VPS13C: variants seen among roughly 807,000 people sequenced by gnomAD.
The protein encoded by VPS13C is intermembrane lipid transfer protein VPS13C.
VPS13C carries 358 observed loss-of-function variants against 456.8 expected under a neutral mutation model. That is an observed-to-expected ratio of 0.78 (90% confidence interval 0.72 to 0.86). The LOEUF is 0.86. Ranked by LOEUF, VPS13C falls within the 40% of genes least tolerant of loss-of-function variation. VPS13C has a pLI of 0.00. For synonymous variants in VPS13C, 1,578 were observed against 1,486.7 expected (o/e 1.06, Z -1.41); for missense variants, 4,818 against 4,385.4 (o/e 1.10, Z -2.79).
At chr15:61,945,930 C>A (rs2044589234) in intron 44 of VPS13C, 48 bp from the exon 45 acceptor site, 4 of 1,455,034 alleles carry the variant, frequency 2.7e-6, no homozygotes, top group Non-Finnish European at 3.7e-6. Context: ...AGCTGTATAG[C>A]CCTTATCAAT....
chr15:61,952,995 A>AT (rs754353651), intron 38 of VPS13C, among the ~76,000 whole-genome samples: 6 of 152,068 alleles, frequency 3.9e-5, no homozygotes, highest in Non-Finnish European at 8.8e-5. Context: ...GAGTACTGAG[A>AT]TTACAGGCAT....
chr15:61,896,437 G>C (rs1055939808), intron 66 of VPS13C, among the ~76,000 whole-genome samples: 1 of 152,322 alleles, frequency 6.6e-6, no homozygotes, highest in Non-Finnish European at 1.5e-5. Flanking sequence ...TGCCTCACTC[G>C]GGAAGCGCAA....
At chr15:61,896,737 G>C (rs2042831145) in intron 66 of VPS13C, among the ~76,000 whole-genome samples, 1 of 152,184 alleles carries the variant, frequency 6.6e-6, no homozygotes, top group African/African-American at 2.4e-5. Flanking sequence ...GCTCGAACTG[G>C]GTGTAGCCCA....
At chr15:61,999,904 T>TAAAAAAAAAAAAAAAAAAGA (rs71125961) in intron 16 of VPS13C, among the ~76,000 whole-genome samples, 1 of 116,254 alleles carries the variant, frequency 8.6e-6, no homozygotes, top group African/African-American at 3.5e-5. Context: ...AAAGAAAAAG[T>TAAAAAAAAAAAAAAAAAAGA]AAAAAAAAAA....
At chr15:61,992,244 C>T (rs1449250819) in intron 16 of VPS13C, among the ~76,000 whole-genome samples, 1 of 152,130 alleles carries the variant, frequency 6.6e-6, no homozygotes, top group African/African-American at 2.4e-5. Flanking sequence ...AGGACAGTGG[C>T]AGAAGGAGGG....
chr15:61,859,446 A>G (rs1211276328), intron 82 of VPS13C, among the ~76,000 whole-genome samples: 3 of 152,168 alleles, frequency 2.0e-5, no homozygotes, highest in Admixed American at 6.5e-5. Context: ...AACCCTTAGA[A>G]TCTTATGAGC....
intron 52 of VPS13C, among the ~76,000 whole-genome samples, 165 bp downstream of exon 52, chr15:61,926,926 T>C (rs1182394136): frequency 6.6e-6 from 1 of 152,230 alleles, no homozygotes. Flanking sequence ...CAGCCATGGC[T>C]AAGTCATTTA....
At chr15:62,004,783 G>A in intron 15 of VPS13C, among the ~76,000 whole-genome samples, 2 of 150,740 alleles carry the variant, frequency 1.3e-5, no homozygotes, top group African/African-American at 4.9e-5. Flanking sequence ...TATGTACCCA[G>A]TAGTCATTCA....
At chr15:61,975,555 A>G (rs181937132) in intron 24 of VPS13C, among the ~76,000 whole-genome samples, 153 of 152,244 alleles carry the variant, frequency 1.0e-3, no homozygotes, top group African/African-American at 3.0e-3. Flanking sequence ...CACAAACTCA[A>G]AACACTTGGA....
Position 62,012,180 on chromosome 15 carries a change from G to T in VPS13C, c.826-16C>A. 1.4e-6 allele frequency: 2 copies of T among 1,465,288 alleles called. No individual in the cohort carries two copies. The highest frequency in any genetic ancestry group is 1.2e-5 in the South Asian group (1 of 86,758). The allele number at this position is 1,465,288 out of a possible 1,614,324, so 90.8% of individuals were successfully genotyped here. The stretch of plus-strand genomic sequence containing the variant: ...TCAGCTGATCCTAAACAAAAAATTT[G>T]AATGAGAATGAAAAAGAAAATGCAC... On this transcript the variant is annotated splice_polypyrimidine_tract_variant and intron_variant, in intron 11 of 84. Transcript: ENST00000644861.
chr15:61,856,692 T>C (rs796302783), intron 82 of VPS13C: 7 of 177,896 alleles, frequency 3.9e-5, no homozygotes, highest in East Asian at 1.6e-4. Context: ...CTTTTCTTTT[T>C]TTTTTTTTTT....
Position 61,942,033 on chromosome 15 carries a change from G to A in VPS13C, c.5183C>T (p.Ala1728Val). ...AGCCTGGACTGTGGCTGTACTCAAA[G>A]CTTCTTTAGCAGTTTGGAAATTGTT... ...FLNNFQTAKE[A>V]LSTATVQAAE... The change falls in exon 46 of 85, where the codon GCT becomes GTT. Residue 1728 changes from alanine (A) to valine (V), a missense_variant. Around this residue, in one of 3 missense-constraint regions of VPS13C, gnomAD observed 4,552 missense variants for 4,130.6 expected, o/e 1.10. Transcript: ENST00000644861. 1 of 1,602,258 alleles carries A rather than the reference G, an allele frequency of 6.2e-7. No homozygotes were observed. Among genetic ancestry groups the A allele is most frequent in the Non-Finnish European group, 8.5e-7 (1 of 1,172,532 alleles).
chr15:61,941,559 A>G (rs981326357), intron 46 of VPS13C, among the ~76,000 whole-genome samples: 8 of 152,192 alleles, frequency 5.3e-5, no homozygotes, highest in African/African-American at 1.2e-4. Flanking sequence ...ATCATATTAC[A>G]TATGTAGTAA....
chr15:61,941,681 C>A, intron 46 of VPS13C, 82 bp downstream of exon 46: 1 of 1,414,968 alleles, frequency 7.1e-7, no homozygotes, highest in East Asian at 2.3e-5. Context: ...CCACAAATTA[C>A]TACAACATTT....
intron 48 of VPS13C, among the ~76,000 whole-genome samples, chr15:61,934,565 T>TA (rs1223602554): frequency 2.6e-5 from 4 of 152,222 alleles, no homozygotes; most frequent in East Asian, 3.9e-4. Context: ...CAGACTATGT[T>TA]AAAAAATTTT....
chr15:62,014,000 A>G lies in VPS13C; in HGVS notation c.685-8T>C. The G allele has an allele frequency of 2.5e-6, 4 of 1,605,864 alleles. No individual in the cohort carries two copies. Among genetic ancestry groups the G allele is most frequent in the East Asian group, 2.2e-5 (1 of 44,752 alleles). ...CCAGTGTTCATTTGCAGTCTAAAAG[A>G]AAAAAGGGAATACCTGTGAAACGTG... On this transcript the variant is annotated splice_polypyrimidine_tract_variant and splice_region_variant and intron_variant, in intron 9 of 84. Coordinates refer to ENST00000644861, the MANE Select transcript of VPS13C (RefSeq NM_020821.3).
intron 66 of VPS13C, among the ~76,000 whole-genome samples, chr15:61,895,509 G>C (rs1039632928): frequency 6.6e-6 from 1 of 151,996 alleles, no homozygotes; most frequent in African/African-American, 2.4e-5. Context: ...TGAATAAGGA[G>C]ACTTATAACA....
rs771991854 is a variant in VPS13C, at chr15:62,010,469, T to G, written c.1011+3A>C. On this transcript the variant is annotated splice_donor_region_variant and intron_variant, in intron 13 of 84. Transcript: ENST00000644861. Reference sequence around the variant, plus strand: ...AAGCTGGAAATATCCACATGAATCATACCTGAGGTTTGGTCAGTTCAATGG... The same window carrying G: ...AAGCTGGAAATATCCACATGAATCAGACCTGAGGTTTGGTCAGTTCAATGG... 1 of 1,600,988 alleles carries G rather than the reference T, an allele frequency of 6.2e-7. No homozygotes were observed. Among genetic ancestry groups the G allele is most frequent in the South Asian group, 1.1e-5 (1 of 88,562 alleles).
intron 15 of VPS13C, among the ~76,000 whole-genome samples, chr15:62,001,523 T>A (rs945707584): frequency 1.3e-5 from 2 of 152,352 alleles, no homozygotes; most frequent in East Asian, 3.9e-4. Flanking sequence ...TTACTTTTTT[T>A]TTATTATTAG....
Sources: allele counts gnomAD v4.1 joint callset (sites outside exome capture counted in the v4.1 genomes callset), GRCh38; gene constraint gnomAD v4.1.1; regional missense constraint gnomAD v4.1.1; transcripts MANE v1.5; gene names NCBI Gene and HGNC (gene_info 2026-07-23, HGNC 2026-07-21).